ITGAE: variants seen among roughly 807,000 people sequenced by gnomAD.
ITGAE encodes integrin alpha-E.
In ITGAE, 99 loss-of-function variants were observed where a neutral mutation model predicts 136.5. The observed-to-expected ratio is 0.73, with a 90% CI of 0.62 to 0.86. ITGAE has a LOEUF of 0.86. ITGAE is among the 40% of genes least tolerant of loss of function. The probability of loss-of-function intolerance (pLI) is 0.00; values close to 1 mark genes in which losing one functional copy is unlikely to be tolerated. For synonymous variants in ITGAE, 613 were observed against 591.8 expected, an observed-to-expected ratio of 1.04 and a Z score of -0.52; for missense variants, 1,447 against 1,515.3, an observed-to-expected ratio of 0.95 and a Z score of 0.75.
intron 23 of ITGAE, among the ~76,000 whole-genome samples, chr17:3,730,049 C>G (rs1263051440): frequency 6.6e-6 from 1 of 152,178 alleles, no homozygotes; most frequent in Admixed American, 6.5e-5. Context: ...CCAACCCTGC[C>G]CCTCCCACAG....
chr17:3,728,021 A>G lies in ITGAE; in HGVS notation c.2982T>C (p.His994=), dbSNP rs1281524228. 1.2e-6 allele frequency: 2 copies of G among 1,613,256 alleles called. No individual in the cohort carries two copies. Among genetic ancestry groups the G allele is most frequent in the Non-Finnish European group, 1.7e-6 (2 of 1,179,298 alleles). ...ATTCTGCTCCAAAGAGGTTCTCCCC[A>G]TGTACCTGCAAATTAAAATCAGAGT... is the stretch of plus-strand genomic sequence containing the variant. The part of the protein sequence containing the change: ...SHHKEFLFHV[H]GENLFGAEYQ... Residue 994 remains histidine (H), a synonymous_variant, in exon 26 of 31, where the codon CAT becomes CAC. Coordinates refer to ENST00000263087, the MANE Select transcript of ITGAE (RefSeq NM_002208.5).
chr17:3,761,379 G>A (rs1423348488), intron 5 of ITGAE, 24 bp downstream of exon 5: 1 of 1,598,510 alleles, frequency 6.3e-7, no homozygotes, highest in South Asian at 1.1e-5. Context: ...AGCTATCCAA[G>A]GCCAGTGAAT....
chr17:3,747,333 T>C lies in ITGAE; in HGVS notation c.2155+589A>G, dbSNP rs1303496637. Among the ~76,000 whole-genome samples the C allele has an allele frequency of 2.0e-5, 3 of 151,914 alleles. No homozygotes were observed. In the East Asian group the frequency reaches 5.8e-4, roughly 29 times the overall value. On this transcript the variant is annotated intron_variant, in intron 17 of 30. Coordinates refer to ENST00000263087, the MANE Select transcript of ITGAE (RefSeq NM_002208.5). Reference sequence around the variant, plus strand: ...CCTTTTTCTGAGTCTTTTTTTTTTTTCTGAGACGGAGTCTCGCTCTGTCAC... The same window carrying C: ...CCTTTTTCTGAGTCTTTTTTTTTTTCCTGAGACGGAGTCTCGCTCTGTCAC...
chr17:3,736,951 A>G (rs932574120), intron 20 of ITGAE, among the ~76,000 whole-genome samples: 1 of 152,148 alleles, frequency 6.6e-6, no homozygotes, highest in Admixed American at 6.6e-5. Flanking sequence ...AAGCAGAGAC[A>G]GAGCCTGCTG....
intron 3 of ITGAE, among the ~76,000 whole-genome samples, chr17:3,762,589 ATTTTTTTTTT>A (rs1201695419): frequency 2.7e-5 from 3 of 111,782 alleles, no homozygotes; most frequent in Non-Finnish European, 3.7e-5. Flanking sequence ...TCAGACAAGG[ATTTTTTTTTT>A]TTTTTTTTTT....
At chr17:3,777,094 G>A (rs1264179824) in intron 2 of ITGAE, among the ~76,000 whole-genome samples, 1 of 151,922 alleles carries the variant, frequency 6.6e-6, no homozygotes, top group Non-Finnish European at 1.5e-5. Flanking sequence ...CTGAGTAGCT[G>A]GGACTACAGG....
chr17:3,736,718 A>G (rs1001646088), intron 20 of ITGAE, among the ~76,000 whole-genome samples: 25 of 152,290 alleles, frequency 1.6e-4, no homozygotes, highest in African/African-American at 6.0e-4. Context: ...TGACAGAAAA[A>G]CATATTAGCA....
Position 3,750,453 on chromosome 17 carries a change from T to G in ITGAE, c.1923A>C (p.Gly641=). ...CCATGGACATGCCGAAGTACTGGAG[T>G]CCTGGGGCCACCGTGGAGGCTCTGA... ...QRIRASTVAP[G]LQYFGMSMAG... Residue 641 remains glycine (G), a synonymous_variant, in exon 16 of 31, where the codon GGA becomes GGC. Coordinates refer to ENST00000263087, the MANE Select transcript of ITGAE (RefSeq NM_002208.5). 1.9e-6 allele frequency: 3 copies of G among 1,613,862 alleles called. No individual in the cohort carries two copies. The highest frequency in any genetic ancestry group is 2.5e-6 in the Non-Finnish European group (3 of 1,179,980).
rs928533923 is a variant in ITGAE, at chr17:3,799,067, C to A, written c.34+2044G>T. 3.4e-4 allele frequency among the ~76,000 whole-genome samples: 52 copies of A among 152,182 alleles called. No individual in the cohort carries two copies. Among genetic ancestry groups the A allele is most frequent in the Admixed American group, 4.6e-4 (7 of 15,290 alleles). On this transcript the variant is annotated intron_variant, in intron 1 of 30. Transcript: ENST00000263087. This position sits in a 1 kb window ranked among gnomAD's most constrained non-coding sequence, Gnocchi z 4.1. ...TTCTCTCCAGCCTAAGGAGGCCCAA[C>A]CCGGCACAGGGTACAGGGTGCTGGG...
chr17:3,758,848 G>A (rs991181896), intron 8 of ITGAE, among the ~76,000 whole-genome samples: 2 of 151,648 alleles, frequency 1.3e-5, no homozygotes, highest in African/African-American at 2.4e-5. Flanking sequence ...AGCTGAGGCC[G>A]GGCGCGGTGG....
At chr17:3,725,092 C>A in intron 26 of ITGAE, 1 of 1,614,218 alleles carries the variant, frequency 6.2e-7, no homozygotes, top group Non-Finnish European at 8.5e-7. Context: ...AAAACCAGGG[C>A]TTCCTTCAGT....
chr17:3,750,698 G>A (rs2051844636), intron 15 of ITGAE, among the ~76,000 whole-genome samples: 1 of 152,084 alleles, frequency 6.6e-6, no homozygotes, highest in Non-Finnish European at 1.5e-5. Flanking sequence ...GGAGAGTAAG[G>A]GAAAGAGTGA....
Position 3,741,696 on chromosome 17 carries a change from A to G in ITGAE, c.2448+1793T>C, listed in dbSNP as rs1189937702. Among the ~76,000 whole-genome samples, 3 of 152,326 alleles carry G rather than the reference A, an allele frequency of 2.0e-5. No homozygotes were observed. The East Asian group carries it at 5.8e-4, about 29-fold the overall frequency. Reference sequence around the variant, plus strand: ...CTTATTAATGACACAGGCAAACAGCACTAGGAATGGACAAGTCCACATTAG... The same window carrying G: ...CTTATTAATGACACAGGCAAACAGCGCTAGGAATGGACAAGTCCACATTAG... On this transcript the variant is annotated intron_variant, in intron 19 of 30. Coordinates refer to ENST00000263087, the MANE Select transcript of ITGAE (RefSeq NM_002208.5).
rs113236129 is a variant in ITGAE, at chr17:3,725,391, C to G, written c.3085-1647G>C. On this transcript the variant is annotated intron_variant, in intron 26 of 30. Coordinates refer to ENST00000263087, the MANE Select transcript of ITGAE (RefSeq NM_002208.5). ...TTGCCTTCCCACAGAAAAACTGCAA[C>G]GCTGTGAGAAGATTGGGGAAGGGGT... The G allele has an allele frequency of 2.0e-5, 32 of 1,614,182 alleles. No homozygotes were observed. The African/African-American group carries it at 2.7e-4, about 13-fold the overall frequency.
At chr17:3,723,854 G>C in intron 26 of ITGAE, 110 bp from the exon 27 acceptor site, 1 of 1,523,232 alleles carries the variant, frequency 6.6e-7, no homozygotes, top group South Asian at 1.3e-5. Flanking sequence ...CCGGGAGCTA[G>C]GACCCCGCGG....
At position 3,716,012 on chromosome 17, in the gene ITGAE, C is replaced by A. The variant is rs1030215657; in HGVS notation, c.3444+676G>T. 1.6e-4 allele frequency among the ~76,000 whole-genome samples: 24 copies of A among 151,964 alleles called. 1 individual carries two copies. The highest frequency in any genetic ancestry group is 5.6e-4 in the African/African-American group (23 of 41,376). Reference sequence around the variant, plus strand: ...TCTACTAAAAATACAAAACAATTAGCCAGGCATGGTGGCACATTCCTGTAA... The same window carrying A: ...TCTACTAAAAATACAAAACAATTAGACAGGCATGGTGGCACATTCCTGTAA... On this transcript the variant is annotated intron_variant, in intron 30 of 30. Transcript: ENST00000263087.
intron 19 of ITGAE, 128 bp downstream of exon 19, chr17:3,743,361 G>A: frequency 9.2e-7 from 1 of 1,084,420 alleles, no homozygotes; most frequent in Non-Finnish European, 1.3e-6. Flanking sequence ...CATGAGTACG[G>A]TGAGGGGCCC....
intron 8 of ITGAE, 81 bp from the exon 9 acceptor site, chr17:3,757,940 T>C: frequency 6.7e-7 from 1 of 1,493,630 alleles, no homozygotes; most frequent in South Asian, 1.2e-5. Context: ...TTCTCTGACC[T>C]GTATTAGAAT....
At chr17:3,732,301 A>C in intron 22 of ITGAE, 67 bp downstream of exon 22, 2 of 1,173,552 alleles carry the variant, frequency 1.7e-6, no homozygotes, top group Non-Finnish European at 2.6e-6. Context: ...GATTGAGATG[A>C]GACCAAGATG....
Sources: gnomAD v4.1 joint callset for allele counts (sites outside exome capture counted in the v4.1 genomes callset) on GRCh38, gnomAD v4.1.1 for gene constraint, Gnocchi (gnomAD v3.1) non-coding constraint, MANE v1.5 for transcripts, NCBI Gene and HGNC (gene_info 2026-07-23, HGNC 2026-07-21) for gene names.